Variants in LIG3 observed in about 807,000 individuals in gnomAD.
LIG3 encodes the protein ligase II, DNA, ATP-dependent.
A neutral mutation model predicts 110.9 loss-of-function variants in LIG3; 58 were observed. That is an observed-to-expected ratio of 0.52 (90% CI 0.42 to 0.65). The LOEUF (loss-of-function observed/expected upper bound fraction) is 0.65, where lower values mean the gene tolerates loss of function less well. Among genes scored for constraint, LIG3 ranks in the 30% least tolerant of loss-of-function variants. The pLI is 0.00. For missense variants in LIG3, 1,094 were observed against 1,273.8 expected (o/e 0.86, Z 2.15); for synonymous variants, 422 against 472.8 (o/e 0.89, Z 1.39).
intron 10 of LIG3, 83 bp from the exon 11 acceptor site, chr17:34,996,491 C>T: frequency 9.2e-7 from 1 of 1,090,788 alleles, no homozygotes; most frequent in Non-Finnish European, 1.4e-6. Flanking sequence ...CCTCAGGGGG[C>T]CTCCAGAAGT....
chr17:34,986,166 T>G, intron 3 of LIG3, 35 bp downstream of exon 3: 6 of 1,603,052 alleles, frequency 3.7e-6, no homozygotes, highest in Non-Finnish European at 5.1e-6. Context: ...GCTGTTATAG[T>G]GCTGCTTTTA....
At chr17:34,984,521 T>C (rs895776450) in intron 2 of LIG3, among the ~76,000 whole-genome samples, 4 of 152,192 alleles carry the variant, frequency 2.6e-5, no homozygotes, top group African/African-American at 9.7e-5. Flanking sequence ...TCTTATCCCG[T>C]ATGTATCCTT....
At chr17:35,002,999 G>A (rs759180723) in intron 19 of LIG3, 23 of 1,614,014 alleles carry the variant, frequency 1.4e-5, no homozygotes, top group East Asian at 4.5e-5. Flanking sequence ...TTGCAGAGGC[G>A]GCCAGCCAGT....
rs757935156 is a variant in LIG3 at position 34,996,664 on chromosome 17, T to C, written c.1823+11T>C. ...CAGCTTGATGGACAGGTGAGTTGGC[T>C]AGCATCTTTAAACCCAGAAACTGCC... On this transcript the variant is annotated intron_variant, in intron 11 of 19. Transcript: ENST00000378526. 1.1e-5 allele frequency: 17 copies of C among 1,608,232 alleles called. No homozygotes were observed. The highest frequency in any genetic ancestry group is 1.4e-5 in the Non-Finnish European group (17 of 1,174,998).
At chr17:34,980,799 G>A (rs2090578200) in intron 1 of LIG3, 177 bp downstream of exon 1, 2 of 193,466 alleles carry the variant, frequency 1.0e-5, no homozygotes, top group East Asian at 1.9e-4. Context: ...GAGCCCAGGG[G>A]GAGGCTCGCG....
rs2090880865 is a variant in LIG3 at position 35,004,607 on chromosome 17, C to G, written c.*101C>G. 1.8e-5 allele frequency: 17 copies of G among 947,446 alleles called. No individual in the cohort carries two copies. Among genetic ancestry groups the G allele is most frequent in the Non-Finnish European group, 2.7e-5 (17 of 618,916 alleles). The allele number at this position is 947,446 out of a possible 1,614,324, so 58.7% of individuals were successfully genotyped here. A position where few individuals can be genotyped will look rare whatever the true frequency, so the allele number is the denominator to read the frequency against. The stretch of plus-strand genomic sequence containing the variant: ...ATAGACACAGTATAGGGGGAATGGG[C>G]TTGCTTCTCCCAAACCCACCAGTTC... On this transcript the variant is annotated 3_prime_UTR_variant, in exon 20 of 20. Transcript: ENST00000378526.
chr17:34,986,224 T>C (rs2090653900), intron 3 of LIG3, 93 bp downstream of exon 3: 1 of 1,237,410 alleles, frequency 8.1e-7, no homozygotes, highest in Non-Finnish European at 1.2e-6. Context: ...AATTCTGTGC[T>C]ATCTCATCTC....
rs117843800 is a variant in LIG3 at position 34,997,489 on chromosome 17, C to T, written c.1824-249C>T. The T allele has an allele frequency of 1.0e-3, 479 of 461,864 alleles. 1 individual carries two copies. Among genetic ancestry groups the T allele is most frequent in the Admixed American group, 1.8e-3 (54 of 30,732 alleles). The allele number at this position is 461,864 out of a possible 1,614,324, so 28.6% of individuals were successfully genotyped here. On this transcript the variant is annotated intron_variant, in intron 11 of 19. Coordinates refer to ENST00000378526, the MANE Select transcript of LIG3 (RefSeq NM_013975.4). ...GCTACAGGCCAGTTCTCCCTTGGCTCGCTTGATGAAGTAGAACTAGGAACT... is the reference window on the plus strand; with the variant it reads ...GCTACAGGCCAGTTCTCCCTTGGCTTGCTTGATGAAGTAGAACTAGGAACT...
At position 34,983,495 on chromosome 17, in the gene LIG3, G is replaced by A; in HGVS notation, c.490G>A (p.Glu164Lys). ...TKKIEDLTELEGWEELEDNEK... is the reference protein window; with the variant it reads ...TKKIEDLTELKGWEELEDNEK... The stretch of plus-strand genomic sequence containing the variant: ...AAAAATCGAGGACCTCACAGAGCTG[G>A]AAGGCTGGGAAGAGCTGGAAGATAA... The change falls in exon 2 of 20, where the codon GAA (glutamate) becomes AAA (lysine). Residue 164 changes from glutamate to lysine, a missense_variant. Coordinates refer to ENST00000378526, the MANE Select transcript of LIG3 (RefSeq NM_013975.4). 6.2e-7 allele frequency: 1 copy of A among 1,614,140 alleles called. No individual in the cohort carries two copies. The highest frequency in any genetic ancestry group is 8.5e-7 in the Non-Finnish European group (1 of 1,180,022).
At chr17:35,010,742 A>C (rs2090932442), downstream of LIG3, 1 of 95,204 alleles carries the variant, frequency 1.1e-5, no homozygotes, top group East Asian at 2.7e-4. Flanking sequence ...ACAGAGTGAG[A>C]CTCAAAAAAA....
At chr17:34,982,682 A>C (rs1028609447) in intron 1 of LIG3, among the ~76,000 whole-genome samples, 1 of 151,910 alleles carries the variant, frequency 6.6e-6, no homozygotes, top group African/African-American at 2.4e-5. Context: ...GGATCTTGTA[A>C]TACTTAAAGG....
At chr17:34,997,982 T>C in intron 12 of LIG3, 157 bp downstream of exon 12, 1 of 678,552 alleles carries the variant, frequency 1.5e-6, no homozygotes. Context: ...CCTGCTAGTC[T>C]TCACCCAGAA....
Position 34,998,525 on chromosome 17 carries a change from G to T in LIG3, c.1990-79G>T, listed in dbSNP as rs183403047. The T allele has an allele frequency of 2.2e-3, 3,402 of 1,548,660 alleles. 7 individuals carry two copies. The highest frequency in any genetic ancestry group is 2.8e-3 in the Non-Finnish European group (3,128 of 1,131,950). On this transcript the variant is annotated intron_variant, in intron 13 of 19. Coordinates refer to ENST00000378526, the MANE Select transcript of LIG3 (RefSeq NM_013975.4). ...AGGGAGGGGCACTGGGCTAGATCTG[G>T]TGTGTAGCAGTGAAGGGGTGAACCC...
intron 19 of LIG3, chr17:35,003,154 G>A: frequency 6.5e-7 from 1 of 1,550,366 alleles, no homozygotes; most frequent in Non-Finnish European, 8.7e-7. Context: ...TGGGAATGCA[G>A]CATTGAGTTT....
At chr17:34,982,229 A>G (rs989432973) in intron 1 of LIG3, among the ~76,000 whole-genome samples, 3 of 152,326 alleles carry the variant, frequency 2.0e-5, no homozygotes, top group East Asian at 3.9e-4. Flanking sequence ...GTTGTCTCTC[A>G]ATATAGGGAT....
At chr17:34,997,561 C>T (rs1232210365) in intron 11 of LIG3, 177 bp from the exon 12 acceptor site, 9 of 573,774 alleles carry the variant, frequency 1.6e-5, no homozygotes, top group Middle Eastern at 4.6e-4. Context: ...TTTCCATCTT[C>T]GGTCACGATG....
At position 35,007,648 on chromosome 17, in the gene LIG3, AGTC is replaced by A. The variant is rs1490241633; in HGVS notation, c.*3143_*3145del. 1.3e-5 allele frequency: 2 copies of A among 152,128 alleles called. No homozygotes were observed. The highest frequency in any genetic ancestry group is 2.9e-5 in the Non-Finnish European group (2 of 68,086). 9.4% of individuals were successfully genotyped at this position (152,128 alleles called of 1,614,324 possible). ...TTCTCCCAGGGGCTGCATTCTCAGTAGTCTTTTCCCTGCTCCTTGGGCGCCTGG... is the reference window on the plus strand; with the variant it reads ...TTCTCCCAGGGGCTGCATTCTCAGTATTTTCCCTGCTCCTTGGGCGCCTGG... On this transcript the variant is annotated 3_prime_UTR_variant, in exon 20 of 20. Coordinates refer to ENST00000378526, the MANE Select transcript of LIG3 (RefSeq NM_013975.4).
intron 11 of LIG3, chr17:34,997,191 G>A (rs1353033914): frequency 1.2e-5 from 2 of 165,024 alleles, no homozygotes; most frequent in Non-Finnish European, 1.3e-5. Flanking sequence ...CCATATGCTT[G>A]TGCCTGAGAA....
At chr17:35,002,909 C>G (rs993104198) in intron 19 of LIG3, 120 bp downstream of exon 19, 4 of 1,602,148 alleles carry the variant, frequency 2.5e-6, no homozygotes, top group Admixed American at 1.7e-5. Context: ...ATCGGCTAAA[C>G]CTCTTCCCTG....
Sources: gnomAD v4.1 joint callset for allele counts (sites outside exome capture counted in the v4.1 genomes callset) on GRCh38, gnomAD v4.1.1 for gene constraint, MANE v1.5 for transcripts, NCBI Gene and HGNC (gene_info 2026-07-23, HGNC 2026-07-21) for gene names.